TNFSF4: variants seen among roughly 807,000 people sequenced by gnomAD.
The protein encoded by TNFSF4 is tumor necrosis factor ligand superfamily member 4.
In TNFSF4, 4 loss-of-function variants were observed where a neutral mutation model predicts 7.3. The observed-to-expected ratio is 0.55, with a 90% CI of 0.27 to 1.25. The LOEUF (loss-of-function observed/expected upper bound fraction) is 1.25. Ranked by LOEUF, TNFSF4 falls within the 50% of genes most tolerant of loss-of-function variation. The pLI, the probability that TNFSF4 is intolerant of heterozygous loss-of-function variation, is 0.12. For synonymous variants in TNFSF4, 76 were observed against 83.7 expected (o/e 0.91, Z 0.50); for missense variants, 181 against 208.8 (o/e 0.87, Z 0.82).
At chr1:173,324,238 C>G in the TNFSF4 span, among the ~76,000 whole-genome samples, 1 of 152,132 alleles carries the variant, frequency 6.6e-6, no homozygotes, top group East Asian at 1.9e-4. Flanking sequence ...AATTTTCAAC[C>G]CAGAATTTCA....
At chr1:173,227,601 G>A in the TNFSF4 span, among the ~76,000 whole-genome samples, 1 of 152,208 alleles carries the variant, frequency 6.6e-6, no homozygotes, top group African/African-American at 2.4e-5. Context: ...AGAGCAGTGG[G>A]TGCAGCCCAG....
chr1:173,338,136 A>T, the TNFSF4 span, among the ~76,000 whole-genome samples: 1 of 152,072 alleles, frequency 6.6e-6, no homozygotes, highest in Non-Finnish European at 1.5e-5. Flanking sequence ...TCAGAGACCA[A>T]CCCTGAGTCC....
chr1:173,294,748 A>G, the TNFSF4 span, among the ~76,000 whole-genome samples: 2 of 152,050 alleles, frequency 1.3e-5, no homozygotes, highest in Non-Finnish European at 2.9e-5. Context: ...AGTGAAACTC[A>G]AAGTTGGACT....
the TNFSF4 span, among the ~76,000 whole-genome samples, chr1:173,369,369 A>G: frequency 8.5e-5 from 13 of 152,324 alleles, no homozygotes; most frequent in Middle Eastern, 3.4e-3. Context: ...TTTGTGGTCT[A>G]AGAGGAAAGG....
At chr1:173,335,626 A>G in the TNFSF4 span, among the ~76,000 whole-genome samples, 10 of 152,218 alleles carry the variant, frequency 6.6e-5, no homozygotes, top group Non-Finnish European at 1.3e-4. Context: ...CTTGATCTAT[A>G]TAAGTAGAAA....
chr1:173,351,246 T>C, the TNFSF4 span, among the ~76,000 whole-genome samples: 1 of 152,178 alleles, frequency 6.6e-6, no homozygotes, highest in African/African-American at 2.4e-5. Flanking sequence ...GTTCCCTCTG[T>C]CTGGAACATT....
At chr1:173,243,026 A>C in the TNFSF4 span, among the ~76,000 whole-genome samples, 3 of 147,384 alleles carry the variant, frequency 2.0e-5, no homozygotes, top group African/African-American at 7.5e-5. Flanking sequence ...GGGAGCACAA[A>C]AATAAACCAA....
the TNFSF4 span, among the ~76,000 whole-genome samples, chr1:173,325,464 G>A: frequency 2.0e-5 from 3 of 152,056 alleles, no homozygotes; most frequent in African/African-American, 7.3e-5. Context: ...AACTAGAGAA[G>A]CAAGAGCAAA....
At chr1:173,404,788 T>C in the TNFSF4 span, among the ~76,000 whole-genome samples, 2 of 152,166 alleles carry the variant, frequency 1.3e-5, no homozygotes, top group South Asian at 2.1e-4. Flanking sequence ...TGCACCACCA[T>C]GCCCTGATAA....
At chr1:173,370,563 C>A in the TNFSF4 span, among the ~76,000 whole-genome samples, 1 of 152,110 alleles carries the variant, frequency 6.6e-6, no homozygotes, top group Admixed American at 6.5e-5. Flanking sequence ...CTATGGGAGG[C>A]CTTAAGAATA....
At chr1:173,230,501 A>C in the TNFSF4 span, among the ~76,000 whole-genome samples, 1 of 152,236 alleles carries the variant, frequency 6.6e-6, no homozygotes, top group Admixed American at 6.5e-5. Flanking sequence ...TTGACACCCT[A>C]ACATCACAAT....
chr1:173,250,726 TG>T, the TNFSF4 span, among the ~76,000 whole-genome samples: 358 of 152,324 alleles, frequency 2.4e-3, 1 homozygote, highest in African/African-American at 8.3e-3. Flanking sequence ...CCCAAAGTGC[TG>T]GGATTACAGG....
At chr1:173,272,524 T>C in the TNFSF4 span, among the ~76,000 whole-genome samples, 39 of 152,062 alleles carry the variant, frequency 2.6e-4, no homozygotes, top group Non-Finnish European at 3.1e-4. Context: ...TCGAAATTCA[T>C]GAAATTGTCC....
chr1:173,245,241 A>G, the TNFSF4 span, among the ~76,000 whole-genome samples: 7 of 152,220 alleles, frequency 4.6e-5, no homozygotes, highest in Admixed American at 2.0e-4. Flanking sequence ...TAGGTGATCA[A>G]TAAAGATACT....
At chr1:173,227,651 G>A in the TNFSF4 span, among the ~76,000 whole-genome samples, 2 of 152,200 alleles carry the variant, frequency 1.3e-5, no homozygotes, top group Non-Finnish European at 2.9e-5. Context: ...CGCCTCACCC[G>A]GGAAGCACAA....
chr1:173,205,290 T>C (rs753410776), intron 1 of TNFSF4: 1 of 1,611,328 alleles, frequency 6.2e-7, no homozygotes, highest in Non-Finnish European at 8.5e-7. Flanking sequence ...AGAAGCTAAT[T>C]CTCCCCTAGA....
At chr1:173,205,343 T>C (rs1441450756) in intron 1 of TNFSF4, 6 of 1,612,030 alleles carry the variant, frequency 3.7e-6, no homozygotes, top group Admixed American at 1.7e-5. Flanking sequence ...ACCAGCACCC[T>C]GCTTTTCTTC....
the TNFSF4 span, chr1:173,440,557 T>G: frequency 6.6e-6 from 1 of 152,224 alleles, no homozygotes; most frequent in African/African-American, 2.4e-5. Context: ...AACTATATTA[T>G]CTGACAGCAG....
the TNFSF4 span, among the ~76,000 whole-genome samples, chr1:173,371,547 A>T: frequency 2.0e-5 from 3 of 152,298 alleles, no homozygotes; most frequent in East Asian, 5.8e-4. Flanking sequence ...ATATCCCTTA[A>T]GACCTGAAGC....
Sources: gnomAD v4.1 joint callset for allele counts (sites outside exome capture counted in the v4.1 genomes callset) on GRCh38, gnomAD v4.1.1 for gene constraint, MANE v1.5 for transcripts, NCBI Gene and HGNC (gene_info 2026-07-23, HGNC 2026-07-21) for gene names.